TEKT5: variants seen among roughly 807,000 people sequenced by gnomAD.
The protein encoded by TEKT5 is tektin-5.
A neutral mutation model predicts 48.7 loss-of-function variants in TEKT5; 52 were observed. The observed-to-expected ratio is 1.07, with a 90% CI of 0.86 to 1.35. The LOEUF is 1.35. TEKT5 is among the 40% of genes most tolerant of loss of function. The pLI is 0.00. For synonymous variants in TEKT5, 318 were observed against 267.6 expected (o/e 1.19, Z -1.84); for missense variants, 831 against 641.6 (o/e 1.30, Z -3.19).
chr16:10,658,139 A>G (rs1157208853), intron 5 of TEKT5, among the ~76,000 whole-genome samples: 1 of 152,226 alleles, frequency 6.6e-6, no homozygotes, highest in Non-Finnish European at 1.5e-5. Context: ...ACTAGGATGC[A>G]GAGAAACTGG....
chr16:10,631,999 G>A (rs186276660), intron 6 of TEKT5, among the ~76,000 whole-genome samples: 32 of 151,794 alleles, frequency 2.1e-4, no homozygotes, highest in Admixed American at 1.6e-3. Context: ...GGACTGTGCT[G>A]CGGGTCCCAC....
At chr16:10,657,788 G>C (rs111744134) in intron 5 of TEKT5, among the ~76,000 whole-genome samples, 322 of 148,656 alleles carry the variant, frequency 2.2e-3, no homozygotes, top group African/African-American at 7.3e-3. Flanking sequence ...CTTTAGTAGA[G>C]ACAGGGTTTT....
At chr16:10,637,226 G>C (rs984625148) in intron 5 of TEKT5, among the ~76,000 whole-genome samples, 3 of 151,908 alleles carry the variant, frequency 2.0e-5, no homozygotes, top group Non-Finnish European at 2.9e-5. Context: ...AGTACAGATG[G>C]GGTTTCGCCA....
At chr16:10,660,565 T>C (rs1567230417) in intron 5 of TEKT5, among the ~76,000 whole-genome samples, 1 of 152,060 alleles carries the variant, frequency 6.6e-6, no homozygotes, top group Non-Finnish European at 1.5e-5. Flanking sequence ...CCAGGTAATG[T>C]TCTCTATGAA....
chr16:10,671,989 T>C lies in TEKT5; in HGVS notation c.1086+3970A>G, dbSNP rs574614451. Among the ~76,000 whole-genome samples, 59 of 152,196 alleles carry C rather than the reference T, an allele frequency of 3.9e-4. 1 individual carries two copies. Among genetic ancestry groups the C allele is most frequent in the African/African-American group, 1.3e-3 (56 of 41,514 alleles). On this transcript the variant is annotated intron_variant, in intron 5 of 6. Transcript: ENST00000283025. ...TGGGTGGAAACACAGCCAAATGATA[T>C]TACCATGGATATGGGGGGAGATGGA...
intron 3 of TEKT5, among the ~76,000 whole-genome samples, chr16:10,683,823 C>T (rs1433589117): frequency 3.3e-5 from 5 of 152,194 alleles, no homozygotes; most frequent in Non-Finnish European, 7.3e-5. Context: ...GAACTCCTGA[C>T]CTCAGGCGAT....
rs61731533 is a variant in TEKT5 at position 10,694,795 on chromosome 16, C to T, written c.79G>A (p.Val27Ile). Reference sequence around the variant, plus strand: ...CATTCCTGGATCACTGGCGCCTGTACAGCTGGCAGTGAGGTCAAGCCACAG... The same window carrying T: ...CATTCCTGGATCACTGGCGCCTGTATAGCTGGCAGTGAGGTCAAGCCACAG... ...KCCGLTSLPA[V>I]QAPVIQECYQ... Residue 27 changes from valine (V) to isoleucine (I), a missense_variant, in exon 1 of 7, where the codon GTA (valine) becomes ATA (isoleucine). Val to Ile is a conservative substitution (Grantham distance 29). Transcript: ENST00000283025. 9.2e-3 allele frequency: 14,897 copies of T among 1,612,860 alleles called. 96 individuals carry two copies. Among genetic ancestry groups the T allele is most frequent in the Non-Finnish European group, 0.011 (13,052 of 1,179,386 alleles).
chr16:10,681,991 A>G lies in TEKT5; in HGVS notation c.863+2T>C, dbSNP rs1898761965. ...GATGGGGAGGGGGAGTCTGATACTT[A>G]CGTGCCGTCAATTTTCTCCATGCCG... On this transcript the variant is annotated splice_donor_variant, in intron 4 of 6. Transcript: ENST00000283025. LOFTEE classifies it high-confidence loss of function. 6.2e-7 allele frequency: 1 copy of G among 1,613,824 alleles called. No individual in the cohort carries two copies. Among genetic ancestry groups the G allele is most frequent in the East Asian group, 2.2e-5 (1 of 44,880 alleles).
chr16:10,639,177 C>A (rs555799125), intron 5 of TEKT5, among the ~76,000 whole-genome samples: 1 of 152,148 alleles, frequency 6.6e-6, no homozygotes, highest in Non-Finnish European at 1.5e-5. Context: ...CATGGTGGTG[C>A]ACGTTTGTAG....
At chr16:10,682,301 C>CA in intron 3 of TEKT5, among the ~76,000 whole-genome samples, 165 bp from the exon 4 acceptor site, 1 of 151,992 alleles carries the variant, frequency 6.6e-6, no homozygotes, top group South Asian at 2.1e-4. Flanking sequence ...CAGAGGCTCC[C>CA]CCCAATCCAA....
At chr16:10,685,311 T>C (rs1024542410) in intron 3 of TEKT5, among the ~76,000 whole-genome samples, 1 of 152,140 alleles carries the variant, frequency 6.6e-6, no homozygotes, top group African/African-American at 2.4e-5. Flanking sequence ...TCTCTCTCTC[T>C]CTTTTTTTGA....
At position 10,675,968 on chromosome 16, in the gene TEKT5, C is replaced by T. The variant is rs151243776; in HGVS notation, c.1077G>A (p.Gln359=). ...VTDVKNKLQT[Q]LAKTLQEIFQ... is the part of the protein sequence containing the mutation. ...GGGAGGATCTGCTCACCTTCGCCAG[C>T]TGCGTCTGCAGCTTATTCTTCACAT... Residue 359 remains glutamine, a synonymous_variant, in exon 5 of 7, where the codon CAG becomes CAA. Transcript: ENST00000283025. 8 of 1,614,188 alleles carry T rather than the reference C, an allele frequency of 5.0e-6. No homozygotes were observed. In the African/African-American group the frequency reaches 9.3e-5, roughly 19 times the overall value.
rs1238260789 is a variant in TEKT5, at chr16:10,667,982, A to C, written c.1086+7977T>G. The stretch of plus-strand genomic sequence containing the variant: ...AACCTCCACCTCCCAGGTTCAAGTC[A>C]TTCTCCTGCCTCAGCCTCCCAAGTA... On this transcript the variant is annotated intron_variant, in intron 5 of 6. Transcript: ENST00000283025. Among the ~76,000 whole-genome samples the C allele has an allele frequency of 3.3e-5, 5 of 151,762 alleles. No individual in the cohort carries two copies. The East Asian group carries it at 9.7e-4, about 29-fold the overall frequency.
chr16:10,693,698 A>G (rs1899021813), intron 1 of TEKT5, among the ~76,000 whole-genome samples: 2 of 152,216 alleles, frequency 1.3e-5, no homozygotes, highest in Non-Finnish European at 2.9e-5. Flanking sequence ...TAAGGCAGTT[A>G]TGGGCCAGGC....
chr16:10,648,778 T>C (rs1319254449), intron 5 of TEKT5, among the ~76,000 whole-genome samples: 1 of 152,232 alleles, frequency 6.6e-6, no homozygotes, highest in South Asian at 2.1e-4. Flanking sequence ...CTTGCATGGT[T>C]CACAAAGAGC....
intron 6 of TEKT5, among the ~76,000 whole-genome samples, chr16:10,635,058 G>C (rs1314377613): frequency 6.6e-6 from 1 of 152,136 alleles, no homozygotes; most frequent in Non-Finnish European, 1.5e-5. Context: ...CCCTAGCATG[G>C]GGAGAACAGA....
rs371182941 is a variant in TEKT5, at chr16:10,639,070, CA to C, written c.1087-3153del. On this transcript the variant is annotated intron_variant, in intron 5 of 6. Coordinates refer to ENST00000283025, the MANE Select transcript of TEKT5 (RefSeq NM_144674.2). ...CTGTAATCCCAACATTTTGGGAGGC[CA>C]AAGTGGTGGAATCACTTGAGCCCAG... Among the ~76,000 whole-genome samples, 20 of 152,226 alleles carry C rather than the reference CA, an allele frequency of 1.3e-4. No homozygotes were observed. In the East Asian group the frequency reaches 3.5e-3, roughly 26 times the overall value.
chr16:10,687,224 C>CA (rs1898877511), intron 3 of TEKT5, among the ~76,000 whole-genome samples: 2 of 151,958 alleles, frequency 1.3e-5, no homozygotes, highest in African/African-American at 4.8e-5. Flanking sequence ...GTTCTCATCA[C>CA]AAAAAATAAG....
intron 5 of TEKT5, among the ~76,000 whole-genome samples, chr16:10,659,760 C>T (rs1235264541): frequency 1.3e-5 from 2 of 152,080 alleles, no homozygotes; most frequent in African/African-American, 2.4e-5. Context: ...CCTGTACGCT[C>T]ATTATTAGTG....
Sources: gnomAD v4.1 joint callset for allele counts (sites outside exome capture counted in the v4.1 genomes callset) on GRCh38, gnomAD v4.1.1 for gene constraint, MANE v1.5 for transcripts, NCBI Gene and HGNC (gene_info 2026-07-23, HGNC 2026-07-21) for gene names.